Variants in OSBPL3 observed in about 807,000 individuals in gnomAD.
OSBPL3 encodes oxysterol binding protein like 3.
In OSBPL3, 65 loss-of-function variants were observed where a neutral mutation model predicts 120.1. That is an observed-to-expected ratio of 0.54 (90% CI 0.44 to 0.67). OSBPL3 has a LOEUF of 0.67. OSBPL3 is among the 30% of genes least tolerant of loss of function. The probability of loss-of-function intolerance (pLI) is 0.00; values close to 1 mark genes in which losing one functional copy is unlikely to be tolerated. For synonymous variants in OSBPL3, 416 were observed against 402.6 expected, an observed-to-expected ratio of 1.03 and a Z score of -0.40; for missense variants, 1,004 against 1,082.1, an observed-to-expected ratio of 0.93 and a Z score of 1.01.
chr7:24,878,819 T>G (rs1803229851), intron 2 of OSBPL3, among the ~76,000 whole-genome samples: 1 of 152,206 alleles, frequency 6.6e-6, no homozygotes, highest in Non-Finnish European at 1.5e-5. Context: ...GAGATCTTGT[T>G]AAAAATGCAG....
rs1479558221 is a variant in OSBPL3, at chr7:24,933,184, T to C, written c.-149-40563A>G. Among the ~76,000 whole-genome samples the C allele has an allele frequency of 3.3e-5, 5 of 152,032 alleles. No homozygotes were observed. In the East Asian group the frequency reaches 9.6e-4, roughly 29 times the overall value. On this transcript the variant is annotated intron_variant, in intron 1 of 22. Transcript: ENST00000313367. This position sits in a 1 kb window ranked among gnomAD's most constrained non-coding sequence, Gnocchi z 5.1. ...CGCTGCTCAAGGTTAAAATGGGGAATAAAGAGGACAGGGACATTCAATTAC... is the reference window on the plus strand; with the variant it reads ...CGCTGCTCAAGGTTAAAATGGGGAACAAAGAGGACAGGGACATTCAATTAC...
In OSBPL3 at chr7:24,964,239, T is replaced by C. The variant is rs1041057554; in HGVS notation, c.-150+15647A>G. 3.9e-5 allele frequency among the ~76,000 whole-genome samples: 6 copies of C among 152,200 alleles called. No homozygotes were observed. Among genetic ancestry groups the C allele is most frequent in the African/African-American group, 1.2e-4 (5 of 41,444 alleles). The stretch of plus-strand genomic sequence containing the variant: ...AACTCCCCACTCCTTAAGTATGAGC[T>C]GTGCATAATAACTTACTTCCAAAGA... On this transcript the variant is annotated intron_variant, in intron 1 of 22. Coordinates refer to ENST00000313367, the MANE Select transcript of OSBPL3 (RefSeq NM_015550.4). This position sits in a 1 kb window ranked among gnomAD's most constrained non-coding sequence, Gnocchi z 4.2.
At chr7:24,857,496 G>T (rs1235521936) in intron 10 of OSBPL3, among the ~76,000 whole-genome samples, 1 of 152,122 alleles carries the variant, frequency 6.6e-6, no homozygotes, top group Non-Finnish European at 1.5e-5. Flanking sequence ...AATAATCAAA[G>T]AAAATAACTA....
intron 2 of OSBPL3, among the ~76,000 whole-genome samples, chr7:24,884,091 C>A (rs199987685): frequency 3.3e-5 from 5 of 150,354 alleles, no homozygotes; most frequent in African/African-American, 4.9e-5. Flanking sequence ...ACAGCAACAA[C>A]AAAAAAAAAC....
At position 24,865,220 on chromosome 7, in the gene OSBPL3, C is replaced by G. The variant is rs550388295; in HGVS notation, c.673+122G>C. Reference sequence around the variant, plus strand: ...TGATGATGGGTGCAACCTTTACAAGCAAAATATGGAAGGGAATGTGGACAA... The same window carrying G: ...TGATGATGGGTGCAACCTTTACAAGGAAAATATGGAAGGGAATGTGGACAA... On this transcript the variant is annotated intron_variant, in intron 7 of 22. Transcript: ENST00000313367. The G allele has an allele frequency of 8.6e-5, 91 of 1,053,966 alleles. No individual in the cohort carries two copies. The Admixed American group carries it at 2.0e-3, about 23-fold the overall frequency. The allele number at this position is 1,053,966 out of a possible 1,614,324, so 65.3% of individuals were successfully genotyped here.
At chr7:24,874,276 A>G (rs2128292175) in intron 2 of OSBPL3, among the ~76,000 whole-genome samples, 1 of 152,330 alleles carries the variant, frequency 6.6e-6, no homozygotes, top group South Asian at 2.1e-4. Context: ...ATAAAAATCC[A>G]AGACTTAAAA....
chr7:24,976,654 T>C (rs915465536), intron 1 of OSBPL3, among the ~76,000 whole-genome samples: 21 of 152,230 alleles, frequency 1.4e-4, no homozygotes, highest in African/African-American at 4.6e-4. Context: ...GGAAGACTTT[T>C]TCCACCTAAC....
In OSBPL3 at chr7:24,820,276, G is replaced by C. The variant is rs372747718; in HGVS notation, c.1885-38C>G. 1.7e-4 allele frequency: 250 copies of C among 1,452,668 alleles called. 1 individual carries two copies. Among genetic ancestry groups the C allele is most frequent in the Non-Finnish European group, 5.6e-5 (58 of 1,038,726 alleles). The allele number at this position is 1,452,668 out of a possible 1,614,324, so 90.0% of individuals were successfully genotyped here. A position where few individuals can be genotyped will look rare whatever the true frequency, so the allele number is the denominator to read the frequency against. On this transcript the variant is annotated intron_variant, in intron 16 of 22. Transcript: ENST00000313367. The surrounding 1 kb of genome is among the most constrained non-coding windows in gnomAD (Gnocchi z 4.6). The stretch of plus-strand genomic sequence containing the variant: ...AAGGACAGAAAAACAAAAAATGAAT[G>C]AACTTTTGTGTCTCATGAAATCCAT...
In OSBPL3 at chr7:24,851,685, A is replaced by G. The variant is rs1383052429; in HGVS notation, c.1158+819T>C. On this transcript the variant is annotated intron_variant, in intron 11 of 22. Transcript: ENST00000313367. This position sits in a 1 kb window ranked among gnomAD's most constrained non-coding sequence, Gnocchi z 4.1. ...AAGTACAAGAAAAGAGTAAAAGCAAATCAGTATGCTATTTCAAAAGTTCTC... is the reference window on the plus strand; with the variant it reads ...AAGTACAAGAAAAGAGTAAAAGCAAGTCAGTATGCTATTTCAAAAGTTCTC... 3.3e-5 allele frequency among the ~76,000 whole-genome samples: 5 copies of G among 152,152 alleles called. No homozygotes were observed.
In OSBPL3 at chr7:24,863,591, G is replaced by A. The variant is rs373830609; in HGVS notation, c.682C>T (p.His228Tyr). The change falls in exon 8 of 23, where the codon CAC becomes TAC. Residue 228 changes from histidine to tyrosine, a missense_variant. This residue lies in a region of OSBPL3 where 272 missense variants were observed against 248.8 expected (regional missense o/e 1.09). Transcript: ENST00000313367. This position sits in a 1 kb window ranked among gnomAD's most constrained non-coding sequence, Gnocchi z 5.8. ...DMEKCSKDLA[H>Y]CHAYLVEMSQ... Reference sequence around the variant, plus strand: ...ATTTCTACCAGGTAGGCATGACAGTGCGCCAGGTCTGTGGGGGAAAAGAGG... The same window carrying A: ...ATTTCTACCAGGTAGGCATGACAGTACGCCAGGTCTGTGGGGGAAAAGAGG... 1.9e-6 allele frequency: 3 copies of A among 1,611,908 alleles called. No homozygotes were observed. Among genetic ancestry groups the A allele is most frequent in the Non-Finnish European group, 2.5e-6 (3 of 1,177,958 alleles).
Position 24,817,297 on chromosome 7 carries a change from A to G in OSBPL3, c.1949-609T>C, listed in dbSNP as rs534340516. On this transcript the variant is annotated intron_variant, in intron 17 of 22. Transcript: ENST00000313367. The surrounding 1 kb of genome is among the most constrained non-coding windows in gnomAD (Gnocchi z 4.0). ...TTTGGGAGGCAGAGGTGGGTGGATC[A>G]TTTGAGATCAGGAGTTCGAGACCAG... Among the ~76,000 whole-genome samples the G allele has an allele frequency of 2.6e-5, 4 of 152,272 alleles. No homozygotes were observed. The highest frequency in any genetic ancestry group is 7.2e-5 in the African/African-American group (3 of 41,544).
chr7:24,908,054 T>C (rs1308074165), intron 1 of OSBPL3, among the ~76,000 whole-genome samples: 1 of 152,184 alleles, frequency 6.6e-6, no homozygotes, highest in African/African-American at 2.4e-5. Context: ...CCTTGTGAGA[T>C]CTCCTTGCCA....
chr7:24,958,339 AT>A (rs1413579631), intron 1 of OSBPL3, among the ~76,000 whole-genome samples: 4 of 152,080 alleles, frequency 2.6e-5, no homozygotes, highest in Admixed American at 2.6e-4. Context: ...GCTTTTTTTG[AT>A]TGATAGTCTC....
chr7:24,928,113 T>C (rs112362316), intron 1 of OSBPL3, among the ~76,000 whole-genome samples: 1,735 of 152,174 alleles, frequency 0.011, 38 homozygotes, highest in African/African-American at 0.039. Flanking sequence ...CCTTCTGCCA[T>C]GATTGTAAGT....
At chr7:24,843,219 C>T (rs563132460) in intron 12 of OSBPL3, among the ~76,000 whole-genome samples, 3 of 152,230 alleles carry the variant, frequency 2.0e-5, no homozygotes, top group South Asian at 2.1e-4. Flanking sequence ...ACGCATCCAA[C>T]GCACATCAGA....
chr7:24,970,160 T>G (rs965289186), intron 1 of OSBPL3, among the ~76,000 whole-genome samples: 1 of 137,514 alleles, frequency 7.3e-6, no homozygotes, highest in African/African-American at 2.8e-5. Flanking sequence ...GTCTAGGGAG[T>G]GCAGTGGCAC....
chr7:24,846,768 A>C (rs1280158307), intron 12 of OSBPL3, among the ~76,000 whole-genome samples: 2 of 152,214 alleles, frequency 1.3e-5, no homozygotes, highest in Non-Finnish European at 2.9e-5. Context: ...CGTGTGGCTA[A>C]AGAAAAGGTA....
At chr7:24,865,938 T>A in intron 6 of OSBPL3, 132 bp downstream of exon 6, 1 of 683,864 alleles carries the variant, frequency 1.5e-6, no homozygotes, top group Non-Finnish European at 2.5e-6. Flanking sequence ...AACAGACTAA[T>A]TAAATACCAG....
chr7:24,913,533 A>G lies in OSBPL3; in HGVS notation c.-149-20912T>C, dbSNP rs1809137631. 6.6e-6 allele frequency among the ~76,000 whole-genome samples: 1 copy of G among 152,184 alleles called. No homozygotes were observed. Among genetic ancestry groups the G allele is most frequent in the Non-Finnish European group, 1.5e-5 (1 of 68,038 alleles). Reference sequence around the variant, plus strand: ...GCAGACACGGTCTAGTGTGGGGGCCAATCAGCTGACAAAGGCCGGTATGTG... The same window carrying G: ...GCAGACACGGTCTAGTGTGGGGGCCGATCAGCTGACAAAGGCCGGTATGTG... On this transcript the variant is annotated intron_variant, in intron 1 of 22. Coordinates refer to ENST00000313367, the MANE Select transcript of OSBPL3 (RefSeq NM_015550.4). This position sits in a 1 kb window ranked among gnomAD's most constrained non-coding sequence, Gnocchi z 5.3.
Sources: gnomAD v4.1 joint callset for allele counts (sites outside exome capture counted in the v4.1 genomes callset) on GRCh38, gnomAD v4.1.1 for gene constraint, gnomAD v4.1.1 regional missense constraint, Gnocchi (gnomAD v3.1) non-coding constraint, MANE v1.5 for transcripts, NCBI Gene and HGNC (gene_info 2026-07-23, HGNC 2026-07-21) for gene names.